The following LY75 variants were observed in gnomAD, a reference collection of about 807,000 sequenced individuals.
LY75 encodes the protein lymphocyte antigen 75, also known as C-type lectin domain family 13 member B.
LY75 carries 185 observed loss-of-function variants against 231.7 expected under a neutral mutation model. The observed-to-expected ratio is 0.80, with a 90% CI of 0.71 to 0.90. The LOEUF (loss-of-function observed/expected upper bound fraction) is 0.90, where lower values mean the gene tolerates loss of function less well. Among genes scored for constraint, LY75 ranks in the 40% least tolerant of loss-of-function variants. LY75 has a pLI of 0.00. For missense variants in LY75, 1,947 were observed against 2,050.2 expected, an observed-to-expected ratio of 0.95 and a Z score of 0.97; for synonymous variants, 668 against 689.0, an observed-to-expected ratio of 0.97 and a Z score of 0.48.
intron 13 of LY75, among the ~76,000 whole-genome samples, chr2:159,867,753 A>G (rs1337331043): frequency 1.3e-5 from 2 of 152,206 alleles, no homozygotes; most frequent in Admixed American, 1.3e-4. Context: ...TGTACACAGC[A>G]GCAATGGCAT....
chr2:159,855,017 G>T, intron 16 of LY75, 78 bp from the exon 17 acceptor site: 1 of 1,569,052 alleles, frequency 6.4e-7, no homozygotes, highest in Non-Finnish European at 8.7e-7. Flanking sequence ...CTTTAATGTA[G>T]CTCGAAAGGA....
intron 8 of LY75, 148 bp downstream of exon 8, chr2:159,880,935 G>T: frequency 1.1e-6 from 1 of 945,364 alleles, no homozygotes; most frequent in Non-Finnish European, 1.5e-6. Flanking sequence ...ATTCTTAACA[G>T]GTAATGGTCC....
At position 159,875,330 on chromosome 2, in the gene LY75, C is replaced by T. The variant is rs1007929757; in HGVS notation, c.1974+114G>A. 31 of 1,388,668 alleles carry T rather than the reference C, an allele frequency of 2.2e-5. No homozygotes were observed. In the African/African-American group the frequency reaches 4.5e-4, roughly 20 times the overall value. 86.0% of individuals were successfully genotyped at this position (1,388,668 alleles called of 1,614,324 possible). A position where few individuals can be genotyped will look rare whatever the true frequency, so the allele number is the denominator to read the frequency against. On this transcript the variant is annotated intron_variant, in intron 12 of 34. Coordinates refer to ENST00000263636, the MANE Select transcript of LY75 (RefSeq NM_002349.4). Reference sequence around the variant, plus strand: ...CTGCCAAGGACTCTGTGCTCCAGAGCACTTTAGTTAGGTTACATAGTACTA... The same window carrying T: ...CTGCCAAGGACTCTGTGCTCCAGAGTACTTTAGTTAGGTTACATAGTACTA...
At chr2:159,873,104 G>C (rs1265276647) in intron 12 of LY75, among the ~76,000 whole-genome samples, 5 of 151,760 alleles carry the variant, frequency 3.3e-5, no homozygotes, top group Non-Finnish European at 7.4e-5. Context: ...CTGGAACTTG[G>C]GCTGTTTCAA....
At chr2:159,812,352 C>A (rs1481421334) in intron 31 of LY75, 1 of 149,328 alleles carries the variant, frequency 6.7e-6, no homozygotes, top group African/African-American at 2.5e-5. Context: ...TCAAGAAGAT[C>A]CATTTTTTTT....
At chr2:159,818,612 GT>G (rs1683193608) in intron 29 of LY75, among the ~76,000 whole-genome samples, 1 of 152,160 alleles carries the variant, frequency 6.6e-6, no homozygotes, top group Non-Finnish European at 1.5e-5. Flanking sequence ...TTTGAATAAT[GT>G]GTGGACTTTA....
intron 4 of LY75, among the ~76,000 whole-genome samples, chr2:159,886,987 G>A (rs1685605282): frequency 6.6e-6 from 1 of 151,746 alleles, no homozygotes; most frequent in Non-Finnish European, 1.5e-5. Context: ...AAATGACAAA[G>A]TCCTTGCCCT....
At chr2:159,864,946 T>C (rs2125863132) in intron 13 of LY75, 26 bp from the exon 14 acceptor site, 1 of 1,585,330 alleles carries the variant, frequency 6.3e-7, no homozygotes, top group South Asian at 1.2e-5. Flanking sequence ...GTGTTAAAAA[T>C]ACAGGACAAT....
intron 1 of LY75, among the ~76,000 whole-genome samples, chr2:159,901,753 C>A (rs899095439): frequency 9.2e-5 from 14 of 152,208 alleles, no homozygotes; most frequent in African/African-American, 3.1e-4. Flanking sequence ...TCAGACTAAT[C>A]CCTTGTTTGA....
At chr2:159,807,699 T>C (rs1209406590) in intron 33 of LY75, 1 of 974,098 alleles carries the variant, frequency 1.0e-6, no homozygotes, top group Non-Finnish European at 1.2e-6. Context: ...TGGAATCCTT[T>C]TATTTTTTGA....
At position 159,835,576 on chromosome 2, in the gene LY75, G is replaced by T; in HGVS notation, c.3577C>A (p.Gln1193Lys). 1 of 1,613,746 alleles carries T rather than the reference G, an allele frequency of 6.2e-7. No individual in the cohort carries two copies. The highest frequency in any genetic ancestry group is 1.7e-5 in the Admixed American group (1 of 59,970). Residue 1193 changes from glutamine (Q) to lysine (K), a missense_variant, in exon 26 of 35, where the codon CAA becomes AAA. Coordinates refer to ENST00000263636, the MANE Select transcript of LY75 (RefSeq NM_002349.4). ...HFSRWAETNG[Q>K]LEDCVVLDTD... ...TCTAATACTACACAGTCTTCGAGTT[G>T]CCCATTAGTTTCAGCCCAGCGACTA...
intron 28 of LY75, among the ~76,000 whole-genome samples, chr2:159,820,165 T>C (rs887835424): frequency 2.0e-5 from 3 of 152,210 alleles, no homozygotes; most frequent in Non-Finnish European, 4.4e-5. Flanking sequence ...AGTAATAACA[T>C]TTCATTTTTG....
chr2:159,886,403 AGG>A lies in LY75; in HGVS notation c.913+15_913+16del, dbSNP rs752990770. 3.7e-6 allele frequency: 6 copies of A among 1,601,212 alleles called. No homozygotes were observed. The African/African-American group carries it at 6.7e-5, about 18-fold the overall frequency. On this transcript the variant is annotated intron_variant, in intron 5 of 34. Transcript: ENST00000263636. ...AAGATTTGTTCTGTGCAGAGGGGGT[AGG>A]GAAAGAGCAGTTACCTGGATCCCAG...
Position 159,856,955 on chromosome 2 carries a change from C to A in LY75, c.2383+1407G>T, listed in dbSNP as rs866299309. ...CCCATCGAGGGCACTTTGGTTGGAA[C>A]AATGACACTGTCTGTGGAATGCTAA... On this transcript the variant is annotated intron_variant, in intron 16 of 34. Coordinates refer to ENST00000263636, the MANE Select transcript of LY75 (RefSeq NM_002349.4). 3.9e-5 allele frequency among the ~76,000 whole-genome samples: 6 copies of A among 152,112 alleles called. No individual in the cohort carries two copies. In the East Asian group the frequency reaches 7.7e-4, roughly 20 times the overall value.
chr2:159,829,752 CTA>C (rs781211936), intron 28 of LY75, among the ~76,000 whole-genome samples: 41 of 152,168 alleles, frequency 2.7e-4, no homozygotes, highest in Non-Finnish European at 4.4e-4. Flanking sequence ...AAATGTCTTT[CTA>C]TATGTCCCTC....
In LY75 at chr2:159,807,038, T is replaced by C; in HGVS notation, c.4925A>G (p.Asn1642Ser). 1 of 1,613,984 alleles carries C rather than the reference T, an allele frequency of 6.2e-7. No individual in the cohort carries two copies. The highest frequency in any genetic ancestry group is 8.5e-7 in the Non-Finnish European group (1 of 1,179,914). ...VGRCSMLIAS[N>S]ETWKKVECEH... is the part of the protein sequence containing the mutation. ...ACATTCAACTTTTTTCCAAGTTTCA[T>C]TTGAAGCTATCAACATGCTACATCT... Residue 1642 changes from asparagine (N) to serine (S), a missense_variant, in exon 34 of 35, where the codon AAT (asparagine) becomes AGT (serine). By Grantham distance (46) the Asn-to-Ser change is conservative. Transcript: ENST00000263636.
intron 1 of LY75, chr2:159,902,908 G>C (rs943274596): frequency 2.0e-5 from 3 of 152,252 alleles, no homozygotes; most frequent in Non-Finnish European, 4.4e-5. Context: ...ACACAGAGGG[G>C]CTCCTTCAGT....
chr2:159,825,040 T>C (rs1683415508), intron 28 of LY75, among the ~76,000 whole-genome samples: 1 of 151,914 alleles, frequency 6.6e-6, no homozygotes, highest in Non-Finnish European at 1.5e-5. Context: ...ACATCAAAGT[T>C]AAAAGAAGTA....
chr2:159,874,572 A>ATATATTT (rs1560093682), intron 12 of LY75, among the ~76,000 whole-genome samples: 7,179 of 14,990 alleles, frequency 0.48, 3,183 homozygotes, highest in East Asian at 0.57. Context: ...CTATATAAAT[A>ATATATTT]TGTACATATT....
Sources: allele counts gnomAD v4.1 joint callset (sites outside exome capture counted in the v4.1 genomes callset), GRCh38; gene constraint gnomAD v4.1.1; transcripts MANE v1.5; gene names NCBI Gene and HGNC (gene_info 2026-07-23, HGNC 2026-07-21).